WWC1: variants seen among roughly 807,000 people sequenced by gnomAD.
The protein encoded by WWC1 is protein KIBRA.
In WWC1, 55 loss-of-function variants were observed where a neutral mutation model predicts 138.4. The observed-to-expected ratio is 0.40, with a 90% confidence interval of 0.32 to 0.50. The LOEUF is 0.50. WWC1 is among the 20% of genes least tolerant of loss of function. The pLI is 0.72. For synonymous variants in WWC1, 524 were observed against 564.9 expected, an observed-to-expected ratio of 0.93 and a Z score of 1.03; for missense variants, 1,226 against 1,420.4, an observed-to-expected ratio of 0.86 and a Z score of 2.20.
chr5:168,357,439 A>G (rs1224142288), intron 1 of WWC1, among the ~76,000 whole-genome samples: 1 of 138,696 alleles, frequency 7.2e-6, no homozygotes, highest in South Asian at 2.5e-4. Context: ...TGGAGTGGCA[A>G]CCTGCCTTCT....
At chr5:168,448,239 G>A (rs6888705) in intron 17 of WWC1, among the ~76,000 whole-genome samples, 15,469 of 152,158 alleles carry the variant, frequency 0.1, 1,662 homozygotes, top group East Asian at 0.27. Flanking sequence ...GCCTTGCCAT[G>A]CCTGCTCATC....
intron 15 of WWC1, 47 bp downstream of exon 15, chr5:168,431,491 TG>T: frequency 6.4e-7 from 1 of 1,558,334 alleles, no homozygotes; most frequent in Non-Finnish European, 8.7e-7. Context: ...GCTGGCTGGC[TG>T]GCTGGCTGGC....
chr5:168,441,789 C>G lies in WWC1; in HGVS notation c.2388C>G (p.Leu796=). ...YKYLKKQSRE[L]KPVGVMAPAS... is the part of the protein sequence containing the mutation. ...ACTTGAAGAAACAGAGCAGGGAGCT[C>G]AAGCCAGTGGGAGTCATGGCCCCTG... The change falls in exon 16 of 23, where the codon CTC becomes CTG. Residue 796 remains leucine (L), a synonymous_variant. Coordinates refer to ENST00000265293, the MANE Select transcript of WWC1 (RefSeq NM_015238.3). The G allele has an allele frequency of 6.2e-7, 1 of 1,613,962 alleles. No individual in the cohort carries two copies. Among genetic ancestry groups the G allele is most frequent in the South Asian group, 1.1e-5 (1 of 91,052 alleles).
chr5:168,310,342 ATTCT>A (rs1016203641), intron 1 of WWC1, among the ~76,000 whole-genome samples: 3 of 151,478 alleles, frequency 2.0e-5, no homozygotes, highest in African/African-American at 7.3e-5. Flanking sequence ...ATATTCTCTT[ATTCT>A]TTCTCTCTGA....
rs1561701112 is a variant in WWC1, at chr5:168,394,728, T to TA, written c.434-2996_434-2995insA. On this transcript the variant is annotated intron_variant, in intron 3 of 22. Transcript: ENST00000265293. ...GCAACAGAGGGAGACTCATCTCAATTGAAAAAAAAATAAGTTCTCGTAGTA... is the reference window on the plus strand; with the variant it reads ...GCAACAGAGGGAGACTCATCTCAATTAGAAAAAAAAATAAGTTCTCGTAGTA... 1.4e-3 allele frequency among the ~76,000 whole-genome samples: 215 copies of TA among 150,866 alleles called. 1 individual carries two copies. Among genetic ancestry groups the TA allele is most frequent in the African/African-American group, 5.0e-3 (207 of 41,058 alleles).
intron 8 of WWC1, chr5:168,412,016 G>GAACAA: frequency 2.0e-6 from 2 of 985,404 alleles, no homozygotes; most frequent in South Asian, 9.4e-5. Flanking sequence ...TCCCCCAGGC[G>GAACAA]TCCAGCAAAA....
intron 5 of WWC1, among the ~76,000 whole-genome samples, chr5:168,405,671 C>G (rs1455743271): frequency 6.6e-6 from 1 of 151,222 alleles, no homozygotes; most frequent in Non-Finnish European, 1.5e-5. Flanking sequence ...TGCAGCCACA[C>G]ACGTTGGCCG....
chr5:168,315,750 G>A (rs1163049118), intron 1 of WWC1, among the ~76,000 whole-genome samples: 1 of 152,226 alleles, frequency 6.6e-6, no homozygotes, highest in East Asian at 1.9e-4. Flanking sequence ...GAGTAGGGGT[G>A]ACGAATGGTC....
intron 19 of WWC1, among the ~76,000 whole-genome samples, chr5:168,457,538 A>C (rs990894574): frequency 6.6e-6 from 1 of 152,208 alleles, no homozygotes; most frequent in African/African-American, 2.4e-5. Context: ...AGCAATGGAA[A>C]TGGACAGTGA....
Position 168,431,243 on chromosome 5 carries a change from T to A in WWC1, c.2088-9T>A. On this transcript the variant is annotated splice_polypyrimidine_tract_variant and intron_variant, in intron 14 of 22. Transcript: ENST00000265293. Reference sequence around the variant, plus strand: ...ACCCAAGATTTCCTGCGGTTCTGTCTCCCTCTAGGAATATCCGCGTGGCTG... The same window carrying A: ...ACCCAAGATTTCCTGCGGTTCTGTCACCCTCTAGGAATATCCGCGTGGCTG... 1 of 1,603,182 alleles carries A rather than the reference T, an allele frequency of 6.2e-7. No homozygotes were observed. Among genetic ancestry groups the A allele is most frequent in the Non-Finnish European group, 8.5e-7 (1 of 1,174,172 alleles).
intron 1 of WWC1, among the ~76,000 whole-genome samples, chr5:168,311,162 T>C (rs1771037867): frequency 1.3e-5 from 2 of 152,124 alleles, no homozygotes; most frequent in African/African-American, 4.8e-5. Flanking sequence ...CTGTATGCAT[T>C]GACTCCTCCC....
At chr5:168,465,648 C>G (rs923494049) in intron 21 of WWC1, among the ~76,000 whole-genome samples, 3 of 148,716 alleles carry the variant, frequency 2.0e-5, no homozygotes, top group African/African-American at 7.5e-5. Flanking sequence ...CCTCCACCTC[C>G]CAGGCTCTAA....
intron 2 of WWC1, among the ~76,000 whole-genome samples, chr5:168,381,843 G>GA (rs751379785): frequency 0.079 from 9,820 of 123,528 alleles, 442 homozygotes; most frequent in African/African-American, 0.14. Flanking sequence ...CTTTTAAAAA[G>GA]AAAAAAAAAA....
chr5:168,453,266 A>AT (rs1755995651), intron 17 of WWC1, among the ~76,000 whole-genome samples: 1 of 152,218 alleles, frequency 6.6e-6, no homozygotes, highest in Admixed American at 6.5e-5. Flanking sequence ...TGCATACAGC[A>AT]TTGTGGATAA....
intron 1 of WWC1, among the ~76,000 whole-genome samples, chr5:168,345,169 A>G (rs1351846045): frequency 1.3e-5 from 2 of 152,078 alleles, no homozygotes; most frequent in Admixed American, 6.6e-5. Flanking sequence ...CAGTGGTGCA[A>G]TCTTGGCTCA....
chr5:168,321,090 C>T (rs905430835), intron 1 of WWC1, among the ~76,000 whole-genome samples: 1 of 152,148 alleles, frequency 6.6e-6, no homozygotes, highest in Non-Finnish European at 1.5e-5. Flanking sequence ...CTCAGGCCTG[C>T]GTCCCCTGAG....
chr5:168,470,611 G>T lies in WWC1; in HGVS notation c.*1594G>T, dbSNP rs918179682. 2 of 151,970 alleles carry T rather than the reference G, an allele frequency of 1.3e-5. No individual in the cohort carries two copies. Among genetic ancestry groups the T allele is most frequent in the African/African-American group, 4.8e-5 (2 of 41,356 alleles). 9.4% of individuals were successfully genotyped at this position (151,970 alleles called of 1,614,324 possible). ...GCACTTTGGGAGGCTGAGGCGGGCAGATCAACTGAGATCGGGGGTTCGAGA... is the reference window on the plus strand; with the variant it reads ...GCACTTTGGGAGGCTGAGGCGGGCATATCAACTGAGATCGGGGGTTCGAGA... On this transcript the variant is annotated 3_prime_UTR_variant, in exon 23 of 23. Coordinates refer to ENST00000265293, the MANE Select transcript of WWC1 (RefSeq NM_015238.3).
intron 8 of WWC1, among the ~76,000 whole-genome samples, chr5:168,412,391 T>TGAGAAGAGA (rs1780296900): frequency 6.6e-6 from 1 of 152,246 alleles, no homozygotes; most frequent in Non-Finnish European, 1.5e-5. Context: ...CATGCATTTC[T>TGAGAAGAGA]GAGAAGAGAG....
chr5:168,454,132 C>A, intron 18 of WWC1, 32 bp downstream of exon 18: 1 of 1,602,354 alleles, frequency 6.2e-7, no homozygotes, highest in Non-Finnish European at 8.5e-7. Flanking sequence ...GAAGGGCTGT[C>A]GTGGGGAAGG....
Sources: allele counts gnomAD v4.1 joint callset (sites outside exome capture counted in the v4.1 genomes callset), GRCh38; gene constraint gnomAD v4.1.1; transcripts MANE v1.5; gene names NCBI Gene and HGNC (gene_info 2026-07-23, HGNC 2026-07-21).